PLN: variants seen among roughly 807,000 people sequenced by gnomAD.
The protein encoded by PLN is phospholamban.
A neutral mutation model predicts 3.9 loss-of-function variants in PLN; 1 was observed. The ratio of observed to expected loss-of-function variants is 0.26; its 90% CI spans 0.09 to 1.23. PLN has a LOEUF of 1.23. PLN is among the 50% of genes most tolerant of loss of function. The probability of loss-of-function intolerance (pLI) is 0.48; values close to 1 mark genes in which losing one functional copy is unlikely to be tolerated. For synonymous variants in PLN, 21 were observed against 20.5 expected (o/e 1.02, Z -0.07); for missense variants, 59 against 62.7 (o/e 0.94, Z 0.20).
At chr6:118,553,913 G>C (rs1462097784) in intron 1 of PLN, among the ~76,000 whole-genome samples, 2 of 152,190 alleles carry the variant, frequency 1.3e-5, no homozygotes, top group Non-Finnish European at 2.9e-5. Flanking sequence ...GATAGAAAGA[G>C]ACTTGAGGAA....
At chr6:118,554,209 G>C (rs1002462237) in intron 1 of PLN, among the ~76,000 whole-genome samples, 1 of 152,098 alleles carries the variant, frequency 6.6e-6, no homozygotes, top group Non-Finnish European at 1.5e-5. Flanking sequence ...GATCGCTAGA[G>C]CCTGGGAAGT....
At chr6:118,552,383 A>G (rs1473895780) in intron 1 of PLN, among the ~76,000 whole-genome samples, 4 of 152,084 alleles carry the variant, frequency 2.6e-5, no homozygotes, top group African/African-American at 9.6e-5. Context: ...TCATTAAAGT[A>G]TCAATTGTCT....
At chr6:118,557,336 C>T (rs904378638) in intron 1 of PLN, among the ~76,000 whole-genome samples, 5 of 152,242 alleles carry the variant, frequency 3.3e-5, no homozygotes, top group Admixed American at 3.3e-4. Flanking sequence ...TACAGAGTAA[C>T]AGATTTAAAG....
intron 1 of PLN, among the ~76,000 whole-genome samples, chr6:118,557,750 A>G (rs1024208230): frequency 2.6e-5 from 4 of 152,222 alleles, no homozygotes; most frequent in Non-Finnish European, 4.4e-5. Context: ...AAAAATTGGT[A>G]AAGTCTACGG....
chr6:118,557,078 T>G (rs1054965199), intron 1 of PLN, among the ~76,000 whole-genome samples: 4 of 152,190 alleles, frequency 2.6e-5, no homozygotes, highest in Non-Finnish European at 2.9e-5. Flanking sequence ...TGTTCCAAGC[T>G]TGACAGTCTT....
intron 1 of PLN, among the ~76,000 whole-genome samples, chr6:118,552,698 A>G (rs997215533): frequency 1.3e-5 from 2 of 152,144 alleles, no homozygotes; most frequent in Non-Finnish European, 2.9e-5. Context: ...TTCTTGAGGA[A>G]AGGACGACAA....
chr6:118,557,678 C>T (rs1445064950), intron 1 of PLN, among the ~76,000 whole-genome samples: 1 of 151,940 alleles, frequency 6.6e-6, no homozygotes, highest in Non-Finnish European at 1.5e-5. Flanking sequence ...CCACCAGCAC[C>T]CCAAACCAGA....
In PLN at chr6:118,559,057, T is replaced by C; in HGVS notation, c.136T>C (p.Cys46Arg). 6.2e-7 allele frequency: 1 copy of C among 1,611,840 alleles called. No homozygotes were observed. The highest frequency in any genetic ancestry group is 8.5e-7 in the Non-Finnish European group (1 of 1,177,856). Residue 46 changes from cysteine (C) to arginine (R), a missense_variant, in exon 2 of 2, where the codon TGT becomes CGT. Cys to Arg is a radical substitution (Grantham distance 180). Coordinates refer to ENST00000357525, the MANE Select transcript of PLN (RefSeq NM_002667.5). Reference sequence around the variant, plus strand: ...CATCTTAATATGTCTCTTGCTGATCTGTATCATCGTGATGCTTCTCTGAAG... The same window carrying C: ...CATCTTAATATGTCTCTTGCTGATCCGTATCATCGTGATGCTTCTCTGAAG... ...CLILICLLLI[C>R]IIVMLL
intron 1 of PLN, among the ~76,000 whole-genome samples, chr6:118,556,223 A>G (rs1218869256): frequency 6.6e-6 from 1 of 152,208 alleles, no homozygotes; most frequent in Non-Finnish European, 1.5e-5. Flanking sequence ...CTATTTTCTA[A>G]GTAGAAGTGT....
chr6:118,556,497 G>C (rs561254126), intron 1 of PLN, among the ~76,000 whole-genome samples: 1 of 152,202 alleles, frequency 6.6e-6, no homozygotes, highest in East Asian at 1.9e-4. Flanking sequence ...TGGTTTCTTT[G>C]CCAAAGTAAA....
rs903320091 is a variant in PLN at position 118,548,322 on chromosome 6, C to T, written c.-168C>T. The stretch of plus-strand genomic sequence containing the variant: ...TAAACTGGGTGACAGAGTCAGAAAA[C>T]TCCCCAGCTAAACACCCGTAAGACT... On this transcript the variant is annotated 5_prime_UTR_variant, in exon 1 of 2. Coordinates refer to ENST00000357525, the MANE Select transcript of PLN (RefSeq NM_002667.5). 7 of 152,072 alleles carry T rather than the reference C, an allele frequency of 4.6e-5. No individual in the cohort carries two copies. The highest frequency in any genetic ancestry group is 1.7e-4 in the African/African-American group (7 of 41,416). The allele number at this position is 152,072 out of a possible 1,614,324, so 9.4% of individuals were successfully genotyped here.
At position 118,558,950 on chromosome 6, in the gene PLN, C is replaced by T. The variant is rs1554219846; in HGVS notation, c.29C>T (p.Ser10Leu). Residue 10 changes from serine (S) to leucine (L), a missense_variant, in exon 2 of 2, where the codon TCA becomes TTA. By Grantham distance (145) the Ser-to-Leu change is moderately radical (BLOSUM62 -2). Coordinates refer to ENST00000357525, the MANE Select transcript of PLN (RefSeq NM_002667.5). ...GAGAAAGTCCAATACCTCACTCGCT[C>T]AGCTATAAGAAGAGCCTCAACCATT... MEKVQYLTR[S>L]AIRRASTIEM... is the part of the protein sequence containing the mutation. 6.2e-7 allele frequency: 1 copy of T among 1,613,808 alleles called. No homozygotes were observed. Among genetic ancestry groups the T allele is most frequent in the East Asian group, 2.2e-5 (1 of 44,872 alleles).
intron 1 of PLN, among the ~76,000 whole-genome samples, chr6:118,555,316 T>C (rs571887378): frequency 9.8e-4 from 148 of 151,620 alleles, no homozygotes; most frequent in African/African-American, 3.5e-3. Context: ...TAGTCCCAGC[T>C]ACTCGGGAGG....
intron 1 of PLN, among the ~76,000 whole-genome samples, chr6:118,550,861 C>A (rs1267666303): frequency 6.6e-6 from 1 of 151,856 alleles, no homozygotes; most frequent in Non-Finnish European, 1.5e-5. Context: ...CATAGCATTA[C>A]ATTCTTAATA....
Position 118,559,252 on chromosome 6 carries a change from G to C in PLN, c.*172G>C. 1 of 660,340 alleles carries C rather than the reference G, an allele frequency of 1.5e-6. No individual in the cohort carries two copies. The highest frequency in any genetic ancestry group is 1.7e-5 in the South Asian group (1 of 57,502). The allele number at this position is 660,340 out of a possible 1,614,324, so 40.9% of individuals were successfully genotyped here. On this transcript the variant is annotated 3_prime_UTR_variant, in exon 2 of 2. Coordinates refer to ENST00000357525, the MANE Select transcript of PLN (RefSeq NM_002667.5). Reference sequence around the variant, plus strand: ...TTATTGTTACCATATGTATTCATCTGTTGGATCTTGTAAACATGAAAAGGG... The same window carrying C: ...TTATTGTTACCATATGTATTCATCTCTTGGATCTTGTAAACATGAAAAGGG...
Position 118,558,911 on chromosome 6 carries a change from C to T in PLN, c.-11C>T, listed in dbSNP as rs764862475. 1 of 1,612,418 alleles carries T rather than the reference C, an allele frequency of 6.2e-7. No homozygotes were observed. The highest frequency in any genetic ancestry group is 1.1e-5 in the South Asian group (1 of 91,044). On this transcript the variant is annotated 5_prime_UTR_variant, in exon 2 of 2. Transcript: ENST00000357525. ...CACTTAAAACTTCAGACTTCCTGTC[C>T]TGCTGGTATCATGGAGAAAGTCCAA... is the stretch of plus-strand genomic sequence containing the variant.
chr6:118,550,069 T>C (rs183468199), intron 1 of PLN, among the ~76,000 whole-genome samples: 39 of 151,954 alleles, frequency 2.6e-4, no homozygotes, highest in Middle Eastern at 3.4e-3. Context: ...TGAAATCAAA[T>C]GGAAAAAATA....
At position 118,561,089 on chromosome 6, in the gene PLN, G is replaced by C. The variant is rs557018574; in HGVS notation, c.*2009G>C. Among the ~76,000 whole-genome samples the C allele has an allele frequency of 5.9e-5, 9 of 152,294 alleles. No individual in the cohort carries two copies. The South Asian group carries it at 1.7e-3, about 28-fold the overall frequency. On this transcript the variant is annotated 3_prime_UTR_variant, in exon 2 of 2. Transcript: ENST00000357525. The stretch of plus-strand genomic sequence containing the variant: ...TATTAAATTTTCTGAACCCATGAGA[G>C]ATACTAGAGATGGGGAGTGGAAAGT...
chr6:118,558,435 T>C (rs755943902), intron 1 of PLN, among the ~76,000 whole-genome samples: 26 of 151,876 alleles, frequency 1.7e-4, no homozygotes, highest in Non-Finnish European at 8.8e-5. Context: ...TTTTGTTATA[T>C]GTTGTTTTGC....
Sources: gnomAD v4.1 joint callset for allele counts (sites outside exome capture counted in the v4.1 genomes callset) on GRCh38, gnomAD v4.1.1 for gene constraint, MANE v1.5 for transcripts, NCBI Gene and HGNC (gene_info 2026-07-23, HGNC 2026-07-21) for gene names.